ST6GAL2: variants seen among roughly 807,000 people sequenced by gnomAD.
ST6GAL2 encodes beta-galactoside alpha-2,6-sialyltransferase 2.
ST6GAL2 carries 24 observed loss-of-function variants against 37.5 expected under a neutral mutation model. That is an observed-to-expected ratio of 0.64 (90% CI 0.46 to 0.90). The LOEUF is 0.90. Among genes scored for constraint, ST6GAL2 ranks in the 40% least tolerant of loss-of-function variants. ST6GAL2 has a pLI of 0.00. For synonymous variants in ST6GAL2, 306 were observed against 295.1 expected, an observed-to-expected ratio of 1.04 and a Z score of -0.38; for missense variants, 715 against 712.7, an observed-to-expected ratio of 1.00 and a Z score of -0.04.
At chr2:106,874,921 C>T (rs1017631836) in intron 1 of ST6GAL2, among the ~76,000 whole-genome samples, 1 of 152,196 alleles carries the variant, frequency 6.6e-6, no homozygotes, top group Non-Finnish European at 1.5e-5. Flanking sequence ...TCATTAGAAC[C>T]TTAACGCTGT....
At chr2:106,874,297 G>A (rs987914903) in intron 1 of ST6GAL2, among the ~76,000 whole-genome samples, 1 of 152,130 alleles carries the variant, frequency 6.6e-6, no homozygotes, top group Admixed American at 6.5e-5. Flanking sequence ...GGGAGTTGGT[G>A]GAAGTTAGGG....
chr2:106,840,769 T>C (rs1166877243), intron 2 of ST6GAL2, among the ~76,000 whole-genome samples: 1 of 152,318 alleles, frequency 6.6e-6, no homozygotes, highest in East Asian at 1.9e-4. Context: ...TGGTCAGGGA[T>C]ATTTATGCAG....
chr2:106,806,621 G>C lies in ST6GAL2; in HGVS notation c.*57C>G, dbSNP rs1675421429. 6 of 1,550,766 alleles carry C rather than the reference G, an allele frequency of 3.9e-6. No homozygotes were observed. Among genetic ancestry groups the C allele is most frequent in the Non-Finnish European group, 5.3e-6 (6 of 1,139,330 alleles). ...AAAATCTATCTTCAAGTATTCTTTT[G>C]TGACTTTGAGTACAACAGTAGTACC... On this transcript the variant is annotated 3_prime_UTR_variant, in exon 6 of 6. Transcript: ENST00000409382.
At chr2:106,877,038 C>A (rs746628161) in intron 1 of ST6GAL2, among the ~76,000 whole-genome samples, 8 of 152,126 alleles carry the variant, frequency 5.3e-5, no homozygotes, top group Non-Finnish European at 4.4e-5. Context: ...TTTCTTTGTA[C>A]CATTTTCTCC....
At chr2:106,863,614 C>T (rs888190052) in intron 1 of ST6GAL2, among the ~76,000 whole-genome samples, 4 of 152,130 alleles carry the variant, frequency 2.6e-5, no homozygotes, top group Non-Finnish European at 4.4e-5. Context: ...CAAGGAAATA[C>T]ACCTGCAAAA....
At chr2:106,865,549 A>G (rs569420815) in intron 1 of ST6GAL2, among the ~76,000 whole-genome samples, 1 of 152,250 alleles carries the variant, frequency 6.6e-6, no homozygotes, top group African/African-American at 2.4e-5. Flanking sequence ...AGTAACAGGT[A>G]GTAAGCAATA....
In ST6GAL2 at chr2:106,805,662, C is replaced by T. The variant is rs1056743294; in HGVS notation, c.*1016G>A. On this transcript the variant is annotated 3_prime_UTR_variant, in exon 6 of 6. Coordinates refer to ENST00000409382, the MANE Select transcript of ST6GAL2 (RefSeq NM_001142351.2). Reference sequence around the variant, plus strand: ...GGAGTTCCCACTGGCTGATAAAAACCTGCAAGAAACCTGTATAATAAAGAC... The same window carrying T: ...GGAGTTCCCACTGGCTGATAAAAACTTGCAAGAAACCTGTATAATAAAGAC... The T allele has an allele frequency of 6.6e-6, 1 of 152,186 alleles. No individual in the cohort carries two copies. Among genetic ancestry groups the T allele is most frequent in the Non-Finnish European group, 1.5e-5 (1 of 68,032 alleles). The allele number at this position is 152,186 out of a possible 1,614,324, so 9.4% of individuals were successfully genotyped here. A position where few individuals can be genotyped will look rare whatever the true frequency, so the allele number is the denominator to read the frequency against.
At chr2:106,860,692 A>C (rs777062525) in intron 1 of ST6GAL2, among the ~76,000 whole-genome samples, 1 of 152,188 alleles carries the variant, frequency 6.6e-6, no homozygotes, top group Non-Finnish European at 1.5e-5. Context: ...TATGAAATAG[A>C]CTAACAACTT....
At chr2:106,848,164 C>G (rs1397244867) in intron 1 of ST6GAL2, among the ~76,000 whole-genome samples, 1 of 151,866 alleles carries the variant, frequency 6.6e-6, no homozygotes, top group Non-Finnish European at 1.5e-5. Flanking sequence ...CCTGCCTCAG[C>G]CTCCTGAAAC....
intron 1 of ST6GAL2, among the ~76,000 whole-genome samples, chr2:106,861,625 T>C (rs1358330106): frequency 6.6e-6 from 1 of 151,786 alleles, no homozygotes; most frequent in Non-Finnish European, 1.5e-5. Flanking sequence ...CTTTCTTTTT[T>C]TTCTTTTTTT....
chr2:106,878,860 C>T (rs1678619896), intron 1 of ST6GAL2, among the ~76,000 whole-genome samples: 2 of 152,112 alleles, frequency 1.3e-5, no homozygotes, highest in Non-Finnish European at 2.9e-5. Context: ...TCATTTTCAA[C>T]ACAGTGTGGT....
At chr2:106,856,304 AAC>A (rs1319498920) in intron 1 of ST6GAL2, among the ~76,000 whole-genome samples, 2 of 152,166 alleles carry the variant, frequency 1.3e-5, no homozygotes, top group South Asian at 4.1e-4. Flanking sequence ...CAAGGGTAAC[AAC>A]CCTGGCTTCT....
chr2:106,836,214 G>T lies in ST6GAL2; in HGVS notation c.944-2068C>A, dbSNP rs899549094. On this transcript the variant is annotated intron_variant, in intron 2 of 5. Transcript: ENST00000409382. Reference sequence around the variant, plus strand: ...TGTCTGCAAGTCTCTTTAAGGTCTGGTTTTTTAGAAAGTTGGTTTCTCACA... The same window carrying T: ...TGTCTGCAAGTCTCTTTAAGGTCTGTTTTTTTAGAAAGTTGGTTTCTCACA... Among the ~76,000 whole-genome samples the T allele has an allele frequency of 4.6e-5, 7 of 152,248 alleles. No individual in the cohort carries two copies. The East Asian group carries it at 1.4e-3, about 29-fold the overall frequency.
Position 106,832,842 on chromosome 2 carries a change from GT to G in ST6GAL2, c.1042-177del, listed in dbSNP as rs1174839123. On this transcript the variant is annotated intron_variant, in intron 3 of 5. Coordinates refer to ENST00000409382, the MANE Select transcript of ST6GAL2 (RefSeq NM_001142351.2). ...TTGCATGCAGAAGCACTTAAAGAAT[GT>G]TTGAGGAAATTACTTTTTTTTAAAA... Among the ~76,000 whole-genome samples the G allele has an allele frequency of 3.9e-5, 6 of 152,250 alleles. No individual in the cohort carries two copies. The East Asian group carries it at 9.6e-4, about 24-fold the overall frequency.
At chr2:106,845,684 C>T (rs1677115486) in intron 1 of ST6GAL2, among the ~76,000 whole-genome samples, 2 of 152,144 alleles carry the variant, frequency 1.3e-5, no homozygotes, top group South Asian at 2.1e-4. Context: ...TGGGAAAGGA[C>T]GTGCTAAACT....
intron 5 of ST6GAL2, among the ~76,000 whole-genome samples, chr2:106,807,404 T>C (rs895985223): frequency 6.6e-6 from 1 of 152,158 alleles, no homozygotes; most frequent in Non-Finnish European, 1.5e-5. Context: ...TGATTATAAA[T>C]TGACTATAAT....
intron 1 of ST6GAL2, among the ~76,000 whole-genome samples, chr2:106,855,854 C>T (rs1573285455): frequency 6.6e-6 from 1 of 152,176 alleles, no homozygotes; most frequent in African/African-American, 2.4e-5. Context: ...TAACACAAAA[C>T]ATACATCTAA....
intron 5 of ST6GAL2, among the ~76,000 whole-genome samples, chr2:106,823,446 C>CACACACACACAG: frequency 1.6e-5 from 1 of 63,938 alleles, no homozygotes; most frequent in Non-Finnish European, 2.9e-5. Context: ...GCAGAAAACA[C>CACACACACACAG]ACACACACAC....
At chr2:106,825,729 G>C (rs1676175687) in intron 5 of ST6GAL2, among the ~76,000 whole-genome samples, 1 of 152,146 alleles carries the variant, frequency 6.6e-6, no homozygotes, top group African/African-American at 2.4e-5. Flanking sequence ...TCCTTCGTTG[G>C]ACTTATCATA....
Sources: gnomAD v4.1 joint callset for allele counts (sites outside exome capture counted in the v4.1 genomes callset) on GRCh38, gnomAD v4.1.1 for gene constraint, MANE v1.5 for transcripts, NCBI Gene and HGNC (gene_info 2026-07-23, HGNC 2026-07-21) for gene names.